LENG8: variants seen among roughly 807,000 people sequenced by gnomAD.
LENG8 encodes leukocyte receptor cluster (LRC) member 8.
A neutral mutation model predicts 102.1 loss-of-function variants in LENG8; 28 were observed. The ratio of observed to expected loss-of-function variants is 0.27; its 90% CI spans 0.20 to 0.38. The LOEUF is 0.38. LENG8 is among the 10% of genes least tolerant of loss of function. The pLI is 1.00. For synonymous variants in LENG8, 531 were observed against 456.7 expected (o/e 1.16, Z -2.07); for missense variants, 1,022 against 1,113.9 (o/e 0.92, Z 1.17).
chr19:54,456,033 C>T lies in LENG8; in HGVS notation c.1092C>T (p.His364=), dbSNP rs777203174. Reference sequence around the variant, plus strand: ...GGTGGGAGGCCGCTAGCAGCCTTCACCCTCCTAGAGGGGCAGGCTCGGCGA... The same window carrying T: ...GGTGGGAGGCCGCTAGCAGCCTTCATCCTCCTAGAGGGGCAGGCTCGGCGA... ...KKRWEAASSL[H]PPRGAGSATR... Residue 364 remains histidine, a synonymous_variant, in exon 9 of 16, where the codon CAC becomes CAT. Transcript: ENST00000326764. 9.7e-5 allele frequency: 156 copies of T among 1,613,060 alleles called. No homozygotes were observed. The highest frequency in any genetic ancestry group is 1.3e-4 in the Non-Finnish European group (155 of 1,179,614).
At chr19:54,452,065 T>C (rs975056389) in intron 2 of LENG8, 28 bp from the exon 3 acceptor site, 6 of 1,591,694 alleles carry the variant, frequency 3.8e-6, no homozygotes, top group South Asian at 3.4e-5. Flanking sequence ...GGAGAACAGG[T>C]GTGACTTGAT....
intron 15 of LENG8, 39 bp from the exon 16 acceptor site, chr19:54,460,727 G>A (rs769295264): frequency 3.0e-5 from 13 of 426,766 alleles, no homozygotes; most frequent in East Asian, 1.3e-4. Flanking sequence ...CTGCCCTCCC[G>A]CCCGCCCGCC....
chr19:54,455,286 C>G, intron 7 of LENG8, 78 bp from the exon 8 acceptor site: 1 of 1,548,480 alleles, frequency 6.5e-7, no homozygotes, highest in Non-Finnish European at 8.9e-7. Context: ...CCCGCTGTGT[C>G]AGCTCAGAGT....
chr19:54,450,195 G>A (rs557011850), intron 1 of LENG8, among the ~76,000 whole-genome samples: 4 of 152,250 alleles, frequency 2.6e-5, no homozygotes, highest in African/African-American at 9.6e-5. Context: ...CAACCACGGT[G>A]ATCCCTTTTC....
intron 15 of LENG8, chr19:54,460,560 G>A (rs1350033769): frequency 2.1e-6 from 3 of 1,412,710 alleles, no homozygotes; most frequent in South Asian, 3.1e-5. Context: ...GAGGGTGAGG[G>A]GGGCACAGGG....
intron 2 of LENG8, 124 bp from the exon 3 acceptor site, chr19:54,451,969 A>G (rs547961450): frequency 1.2e-6 from 1 of 851,212 alleles, no homozygotes; most frequent in South Asian, 1.7e-5. Context: ...AGATTAGAAA[A>G]CTTAGGCTTA....
At position 54,458,529 on chromosome 19, in the gene LENG8, G is replaced by A. The variant is rs1430178722; in HGVS notation, c.2240+8G>A. 1.2e-6 allele frequency: 2 copies of A among 1,614,146 alleles called. No individual in the cohort carries two copies. The highest frequency in any genetic ancestry group is 8.5e-7 in the Non-Finnish European group (1 of 1,179,984). ...CAAGGCCATGATCAAAACGTATGTGGTGCCAAGCTCCCTTCTGCCTTTGCT... is the reference window on the plus strand; with the variant it reads ...CAAGGCCATGATCAAAACGTATGTGATGCCAAGCTCCCTTCTGCCTTTGCT... On this transcript the variant is annotated splice_region_variant and intron_variant, in intron 15 of 15. Transcript: ENST00000326764.
chr19:54,450,648 G>GTT (rs2083920681), intron 1 of LENG8, among the ~76,000 whole-genome samples: 1 of 130,470 alleles, frequency 7.7e-6, no homozygotes, highest in Non-Finnish European at 1.6e-5. Flanking sequence ...TTGAGACAGA[G>GTT]TTTCGCTCTT....
rs751777800 is a variant in LENG8 at position 54,455,945 on chromosome 19, C to T, written c.1026-22C>T. 16 of 1,602,244 alleles carry T rather than the reference C, an allele frequency of 1.0e-5. No individual in the cohort carries two copies. The African/African-American group carries it at 1.9e-4, about 19-fold the overall frequency. The stretch of plus-strand genomic sequence containing the variant: ...CCAGTGTCTGGCGGGGTTGGTGACG[C>T]CCTGCCCTGCTGTATTCTCAGGCTG... On this transcript the variant is annotated intron_variant, in intron 8 of 15. Coordinates refer to ENST00000326764, the MANE Select transcript of LENG8 (RefSeq NM_052925.4).
At chr19:54,459,943 C>A in intron 15 of LENG8, 1 of 1,205,280 alleles carries the variant, frequency 8.3e-7, no homozygotes, top group Non-Finnish European at 1.1e-6. Context: ...GGCGAGTGTC[C>A]TTGTTAATTG....
Position 54,461,289 on chromosome 19 carries a change from C to T in LENG8, c.*361C>T. The T allele has an allele frequency of 2.1e-6, 1 of 472,636 alleles. No individual in the cohort carries two copies. The highest frequency in any genetic ancestry group is 4.2e-6 in the Non-Finnish European group (1 of 240,852). The allele number at this position is 472,636 out of a possible 1,614,324, so 29.3% of individuals were successfully genotyped here. A position where few individuals can be genotyped will look rare whatever the true frequency, so the allele number is the denominator to read the frequency against. On this transcript the variant is annotated 3_prime_UTR_variant, in exon 16 of 16. Coordinates refer to ENST00000326764, the MANE Select transcript of LENG8 (RefSeq NM_052925.4). ...CCCGACCCGGCGCCCTGGCCCATCC[C>T]ATGCCGGGGGGCCAGTGGAAAGAAG...
At chr19:54,451,957 A>T in intron 2 of LENG8, 136 bp from the exon 3 acceptor site, 1 of 744,300 alleles carries the variant, frequency 1.3e-6, no homozygotes, top group Non-Finnish European at 2.2e-6. Flanking sequence ...TCAGCATAGT[A>T]CAGATTAGAA....
At position 54,451,343 on chromosome 19, in the gene LENG8, A is replaced by G. The variant is rs764092173; in HGVS notation, c.-2A>G. The G allele has an allele frequency of 4.3e-5, 70 of 1,614,128 alleles. No homozygotes were observed. Among genetic ancestry groups the G allele is most frequent in the Non-Finnish European group, 5.7e-5 (67 of 1,180,046 alleles). ...GTCCACCCCTTATACCCCAAGGTCC[A>G]GATGGCGGCCAACGTGGGTGATCAA... On this transcript the variant is annotated 5_prime_UTR_variant, in exon 2 of 16. Transcript: ENST00000326764.
In LENG8 at chr19:54,456,934, C is replaced by T. The variant is rs754995657; in HGVS notation, c.1731+13C>T. 7.5e-6 allele frequency: 12 copies of T among 1,597,362 alleles called. No homozygotes were observed. Among genetic ancestry groups the T allele is most frequent in the South Asian group, 2.2e-5 (2 of 89,932 alleles). On this transcript the variant is annotated intron_variant, in intron 11 of 15. Coordinates refer to ENST00000326764, the MANE Select transcript of LENG8 (RefSeq NM_052925.4). Reference sequence around the variant, plus strand: ...GCGCCCTGTGGCAGTAAGTGCCCAGCAGGGCAGTTCTGCTCTGTGAGGCCG... The same window carrying T: ...GCGCCCTGTGGCAGTAAGTGCCCAGTAGGGCAGTTCTGCTCTGTGAGGCCG...
intron 1 of LENG8, among the ~76,000 whole-genome samples, chr19:54,451,085 C>T (rs917500034): frequency 1.3e-5 from 2 of 152,142 alleles, no homozygotes; most frequent in Non-Finnish European, 1.5e-5. Flanking sequence ...CCACCTGGAG[C>T]TCTACAAAGG....
chr19:54,449,228 C>T lies in LENG8; in HGVS notation c.-138C>T, dbSNP rs1249617178. ...GAAGCCAAAGAAGACCAGAGCCAGC[C>T]GGGTGGCACAGCGGTGTCGTGGCCG... On this transcript the variant is annotated 5_prime_UTR_variant, in exon 1 of 16. Transcript: ENST00000326764. 3 of 152,450 alleles carry T rather than the reference C, an allele frequency of 2.0e-5. No homozygotes were observed. The highest frequency in any genetic ancestry group is 2.4e-5 in the African/African-American group (1 of 41,474). The allele number at this position is 152,450 out of a possible 1,614,324, so 9.4% of individuals were successfully genotyped here.
At chr19:54,454,042 G>A (rs979899222) in intron 5 of LENG8, among the ~76,000 whole-genome samples, 2 of 152,092 alleles carry the variant, frequency 1.3e-5, no homozygotes, top group Non-Finnish European at 1.5e-5. Context: ...GTCAGCTCTC[G>A]AAAGCGGGAA....
chr19:54,460,719 G>GGGCCACC, intron 15 of LENG8, 47 bp from the exon 16 acceptor site: 29 of 778,850 alleles, frequency 3.7e-5, no homozygotes, highest in East Asian at 5.4e-5. Context: ...GCCCTCCCCT[G>GGGCCACC]CCCTCCCGCC....
chr19:54,458,679 C>G (rs1030223806), intron 15 of LENG8, 158 bp downstream of exon 15: 37 of 1,551,812 alleles, frequency 2.4e-5, no homozygotes, highest in Admixed American at 9.8e-5. Flanking sequence ...CCTCCCCTCT[C>G]CAGTTCCTCT....
Sources: gnomAD v4.1 joint callset for allele counts (sites outside exome capture counted in the v4.1 genomes callset) on GRCh38, gnomAD v4.1.1 for gene constraint, MANE v1.5 for transcripts, NCBI Gene and HGNC (gene_info 2026-07-23, HGNC 2026-07-21) for gene names.